IPP: variants seen among roughly 807,000 people sequenced by gnomAD.
The protein encoded by IPP is actin-binding protein IPP.
IPP carries 41 observed loss-of-function variants against 64.1 expected under a neutral mutation model. The ratio of observed to expected loss-of-function variants is 0.64; its 90% confidence interval spans 0.50 to 0.83. IPP has a LOEUF of 0.83. Ranked by LOEUF, IPP falls within the 40% of genes least tolerant of loss-of-function variation. The pLI is 0.00. For missense variants in IPP, 649 were observed against 703.0 expected, an observed-to-expected ratio of 0.92 and a Z score of 0.87; for synonymous variants, 214 against 235.2, an observed-to-expected ratio of 0.91 and a Z score of 0.83.
At chr1:45,727,860 T>C in intron 4 of IPP, 62 bp from the exon 5 acceptor site, 1 of 1,140,162 alleles carries the variant, frequency 8.8e-7, no homozygotes, top group Non-Finnish European at 1.2e-6. Context: ...ACATTTAGTA[T>C]AACTACTATA....
rs891671544 is a variant in IPP, at chr1:45,740,943, A to G, written c.682T>C (p.Phe228Leu). The G allele has an allele frequency of 6.2e-7, 1 of 1,609,302 alleles. No homozygotes were observed. The highest frequency in any genetic ancestry group is 1.1e-5 in the South Asian group (1 of 89,900). The change falls in exon 3 of 9, where the codon TTC (phenylalanine) becomes CTC (leucine). Residue 228 changes from phenylalanine (F) to leucine (L), a missense_variant. By Grantham distance (22) the Phe-to-Leu change is conservative (BLOSUM62 0). Transcript: ENST00000396478. ...HVVEVLDPIR[F>L]PLLPPQRLLK... ...AGTCTCTGAGGAGGTAATAAAGGGA[A>G]TCGAATTGGGTCTAGCACTTCCACC...
At chr1:45,744,541 TA>T (rs148906343) in intron 2 of IPP, among the ~76,000 whole-genome samples, 1,676 of 152,090 alleles carry the variant, frequency 0.011, 32 homozygotes, top group African/African-American at 0.038. Context: ...CCCAGCTAAT[TA>T]AAAAAAATTT....
chr1:45,714,532 T>C (rs1645632982), intron 7 of IPP, 66 bp from the exon 8 acceptor site: 4 of 923,602 alleles, frequency 4.3e-6, no homozygotes, highest in Non-Finnish European at 7.2e-6. Context: ...TGAAAAGTAA[T>C]GATTGTGATC....
At position 45,709,101 on chromosome 1, in the gene IPP, T is replaced by C. The variant is rs565521297; in HGVS notation, c.1530+5145A>G. 2.1e-5 allele frequency among the ~76,000 whole-genome samples: 3 copies of C among 143,080 alleles called. No individual in the cohort carries two copies. In the East Asian group the frequency reaches 6.5e-4, roughly 31 times the overall value. The allele number at this position is 143,080 out of a possible 152,430, so 93.9% of individuals were successfully genotyped here. Reference sequence around the variant, plus strand: ...GAAAATGAAAGCTAAGAGAAGTTCATCACCATCACCACCAGACCTGCACTG... The same window carrying C: ...GAAAATGAAAGCTAAGAGAAGTTCACCACCATCACCACCAGACCTGCACTG... On this transcript the variant is annotated intron_variant, in intron 8 of 8. Coordinates refer to ENST00000396478, the MANE Select transcript of IPP (RefSeq NM_005897.3).
chr1:45,750,137 TG>T (rs1646201842), intron 1 of IPP, among the ~76,000 whole-genome samples: 2 of 152,102 alleles, frequency 1.3e-5, no homozygotes, highest in South Asian at 4.1e-4. Flanking sequence ...AATTCACTGC[TG>T]GGAACATGTG....
intron 5 of IPP, among the ~76,000 whole-genome samples, chr1:45,723,159 A>T (rs564611336): frequency 3.5e-4 from 53 of 152,342 alleles, no homozygotes; most frequent in African/African-American, 1.2e-3. Context: ...TTAGAATATG[A>T]ACCCAGATAT....
At chr1:45,715,827 T>C (rs1291716310) in intron 7 of IPP, among the ~76,000 whole-genome samples, 1 of 152,160 alleles carries the variant, frequency 6.6e-6, no homozygotes, top group Non-Finnish European at 1.5e-5. Context: ...AGCTCTATGA[T>C]TTCAGATGGG....
At chr1:45,733,773 A>G (rs1319633161) in intron 3 of IPP, among the ~76,000 whole-genome samples, 2 of 151,812 alleles carry the variant, frequency 1.3e-5, no homozygotes, top group Admixed American at 6.6e-5. Context: ...CGGAGGTTGT[A>G]GTGAGCCGAG....
chr1:45,719,231 A>G lies in IPP; in HGVS notation c.1158T>C (p.Cys386=), dbSNP rs781062987. 16 of 1,614,094 alleles carry G rather than the reference A, an allele frequency of 9.9e-6. No homozygotes were observed. The highest frequency in any genetic ancestry group is 1.4e-5 in the Non-Finnish European group (16 of 1,179,972). The change falls in exon 6 of 9, where the codon TGT becomes TGC. Residue 386 remains cysteine, a synonymous_variant. Transcript: ENST00000396478. ...MNHPRCGLGV[C]VCYGAIYALG... is the part of the protein sequence containing the mutation. Reference sequence around the variant, plus strand: ...AAGCATAGATAGCCCCATAACACACACACACTCCTAAGCCGCAGCGGGGAT... The same window carrying G: ...AAGCATAGATAGCCCCATAACACACGCACACTCCTAAGCCGCAGCGGGGAT...
intron 2 of IPP, among the ~76,000 whole-genome samples, chr1:45,741,760 C>T (rs1399326568): frequency 1.6e-5 from 2 of 124,536 alleles, no homozygotes; most frequent in African/African-American, 5.7e-5. Context: ...TCCCGAGTAG[C>T]TGGGACTACA....
At chr1:45,734,274 A>C (rs1464114919) in intron 3 of IPP, among the ~76,000 whole-genome samples, 2 of 152,166 alleles carry the variant, frequency 1.3e-5, no homozygotes, top group Middle Eastern at 3.2e-3. Flanking sequence ...CCTTAATTCT[A>C]CATGAACCTT....
At chr1:45,746,658 T>A (rs1646138414) in intron 1 of IPP, among the ~76,000 whole-genome samples, 197 bp from the exon 2 acceptor site, 1 of 152,166 alleles carries the variant, frequency 6.6e-6, no homozygotes. Flanking sequence ...AATTGGAGAA[T>A]GCTTCACACA....
chr1:45,740,497 G>T (rs1331880584), intron 3 of IPP, among the ~76,000 whole-genome samples: 1 of 151,990 alleles, frequency 6.6e-6, no homozygotes, highest in Non-Finnish European at 1.5e-5. Flanking sequence ...GGCCGGGCGG[G>T]GGGCTGACCC....
chr1:45,707,473 G>T (rs1356302548), intron 8 of IPP, among the ~76,000 whole-genome samples: 1 of 148,644 alleles, frequency 6.7e-6, no homozygotes, highest in Non-Finnish European at 1.5e-5. Context: ...ATTATTAATT[G>T]TTTGGGGAGC....
At position 45,722,026 on chromosome 1, in the gene IPP, G is replaced by A. The variant is rs556048187; in HGVS notation, c.1049-2686C>T. Among the ~76,000 whole-genome samples, 8 of 152,108 alleles carry A rather than the reference G, an allele frequency of 5.3e-5. No individual in the cohort carries two copies. In the East Asian group the frequency reaches 5.8e-4, roughly 11 times the overall value. ...AGAGGTTGCAGTGAGCCGAGATCAC[G>A]CCACTGCACTACAGCCTGGCACAGA... On this transcript the variant is annotated intron_variant, in intron 5 of 8. Transcript: ENST00000396478.
intron 3 of IPP, among the ~76,000 whole-genome samples, chr1:45,738,863 A>AAT (rs1646018853): frequency 2.3e-5 from 3 of 132,550 alleles, no homozygotes; most frequent in Non-Finnish European, 3.4e-5. Context: ...AAAAAAAAAA[A>AAT]AACAAGAAAA....
At chr1:45,738,103 C>A (rs1646003968) in intron 3 of IPP, among the ~76,000 whole-genome samples, 2 of 152,170 alleles carry the variant, frequency 1.3e-5, no homozygotes, top group Admixed American at 6.6e-5. Context: ...CAGGCATCCA[C>A]TGGGGGGTTC....
intron 8 of IPP, among the ~76,000 whole-genome samples, chr1:45,705,912 G>A (rs1424689056): frequency 6.6e-6 from 1 of 152,186 alleles, no homozygotes; most frequent in Admixed American, 6.6e-5. Context: ...CAGCCACCTA[G>A]ACTTTATGCC....
In IPP at chr1:45,741,330, T is replaced by C. The variant is rs1312166814; in HGVS notation, c.295A>G (p.Ile99Val). 4.4e-6 allele frequency: 7 copies of C among 1,580,802 alleles called. No homozygotes were observed. Among genetic ancestry groups the C allele is most frequent in the Middle Eastern group, 1.7e-4 (1 of 5,922 alleles). Residue 99 changes from isoleucine (I) to valine (V), a missense_variant and splice_region_variant, in exon 3 of 9, where the codon ATA (isoleucine) becomes GTA (valine). Ile to Val is a conservative substitution (Grantham distance 29). Transcript: ENST00000396478. Reference sequence around the variant, plus strand: ...ACATTATTCACACCTATGTTCACTATACCTAGAGAAGTAGGAAGACAAAAT... The same window carrying C: ...ACATTATTCACACCTATGTTCACTACACCTAGAGAAGTAGGAAGACAAAAT... ...QILLDFIYTG[I>V]VNIGVNNVQE...
Sources: allele counts gnomAD v4.1 joint callset (sites outside exome capture counted in the v4.1 genomes callset), GRCh38; gene constraint gnomAD v4.1.1; transcripts MANE v1.5; gene names NCBI Gene and HGNC (gene_info 2026-07-23, HGNC 2026-07-21).